ADCY8: variants seen among roughly 807,000 people sequenced by gnomAD.
ADCY8 encodes adenylate cyclase 8.
Under a neutral mutation model 119.7 loss-of-function variants are expected in ADCY8, and 51 were observed. That is an observed-to-expected ratio of 0.43 (90% CI 0.34 to 0.54). ADCY8 has a LOEUF of 0.54. ADCY8 is among the 20% of genes least tolerant of loss of function. The pLI is 0.03. For synonymous variants in ADCY8, 665 were observed against 651.0 expected, an observed-to-expected ratio of 1.02 and a Z score of -0.33; for missense variants, 1,383 against 1,598.8, an observed-to-expected ratio of 0.87 and a Z score of 2.30.
intron 1 of ADCY8, among the ~76,000 whole-genome samples, chr8:131,022,302 G>C (rs1033026912): frequency 2.0e-5 from 3 of 152,088 alleles, no homozygotes; most frequent in African/African-American, 7.2e-5. Flanking sequence ...GCCCCAGTGT[G>C]TGATGTTACC....
At chr8:130,846,851 T>TCCTTC (rs1554606216) in intron 11 of ADCY8, among the ~76,000 whole-genome samples, 1,845 of 20,460 alleles carry the variant, frequency 0.09, 399 homozygotes, top group African/African-American at 0.19. Context: ...CTTCCTTCCT[T>TCCTTC]CCTCCCCTCC....
intron 8 of ADCY8, among the ~76,000 whole-genome samples, chr8:130,871,003 A>G (rs1818334922): frequency 6.6e-6 from 1 of 152,204 alleles, no homozygotes. Flanking sequence ...GCTTAGCATA[A>G]TCACATAAAA....
At chr8:130,863,642 T>G (rs1818020070) in intron 9 of ADCY8, among the ~76,000 whole-genome samples, 1 of 152,070 alleles carries the variant, frequency 6.6e-6, no homozygotes. Context: ...TTTAAAAACG[T>G]TTTTTTAGTG....
chr8:130,815,600 C>G (rs1178424381), intron 13 of ADCY8, among the ~76,000 whole-genome samples: 1 of 152,070 alleles, frequency 6.6e-6, no homozygotes, highest in African/African-American at 2.4e-5. Context: ...TTAGTGGAAG[C>G]CAGGATTTGA....
chr8:130,823,320 A>C (rs903994318), intron 12 of ADCY8, among the ~76,000 whole-genome samples: 3 of 152,228 alleles, frequency 2.0e-5, no homozygotes, highest in Non-Finnish European at 4.4e-5. Context: ...GAATATGCAC[A>C]GTAAGTCAGC....
chr8:130,950,717 T>C (rs1308727734), intron 3 of ADCY8, among the ~76,000 whole-genome samples: 1 of 152,194 alleles, frequency 6.6e-6, no homozygotes, highest in Admixed American at 6.5e-5. Flanking sequence ...TTATTATTTT[T>C]TGAGATAGAG....
chr8:130,875,027 T>A (rs980702076), intron 8 of ADCY8, among the ~76,000 whole-genome samples: 1 of 152,186 alleles, frequency 6.6e-6, no homozygotes, highest in African/African-American at 2.4e-5. Context: ...TATATTACAC[T>A]GTTATAGGTG....
chr8:130,986,365 A>G (rs1303908020), intron 2 of ADCY8, among the ~76,000 whole-genome samples: 1 of 152,240 alleles, frequency 6.6e-6, no homozygotes, highest in Non-Finnish European at 1.5e-5. Context: ...TTAAATAAAT[A>G]TTACTCAGAA....
At chr8:130,849,563 C>T (rs1817446012) in intron 10 of ADCY8, 39 bp downstream of exon 10, 8 of 1,606,526 alleles carry the variant, frequency 5.0e-6, no homozygotes, top group Non-Finnish European at 6.8e-6. Context: ...CTCAACTGCA[C>T]ACTAGACACC....
chr8:130,964,998 T>C (rs998829080), intron 2 of ADCY8, among the ~76,000 whole-genome samples: 1 of 152,216 alleles, frequency 6.6e-6, no homozygotes, highest in African/African-American at 2.4e-5. Flanking sequence ...GTTCATGTCC[T>C]TTGCCCACTT....
In ADCY8 at chr8:130,822,852, C is replaced by A. The variant is rs531991218; in HGVS notation, c.2676-1432G>T. Among the ~76,000 whole-genome samples, 5 of 152,278 alleles carry A rather than the reference C, an allele frequency of 3.3e-5. No individual in the cohort carries two copies. In the South Asian group the frequency reaches 1.0e-3, roughly 32 times the overall value. The stretch of plus-strand genomic sequence containing the variant: ...AGTTGAATGTATTTAATAGTGTATA[C>A]CTCTATAATTGTGAGGATTAAATGA... On this transcript the variant is annotated intron_variant, in intron 12 of 17. Transcript: ENST00000286355.
intron 5 of ADCY8, among the ~76,000 whole-genome samples, chr8:130,918,731 C>A (rs1425928380): frequency 6.6e-6 from 1 of 152,062 alleles, no homozygotes; most frequent in Non-Finnish European, 1.5e-5. Flanking sequence ...AGAATCAAAC[C>A]CTTCCATTGG....
chr8:131,035,478 G>C (rs1824124938), intron 1 of ADCY8, among the ~76,000 whole-genome samples: 1 of 152,136 alleles, frequency 6.6e-6, no homozygotes. Context: ...TGATGGCAGG[G>C]AATTTCCTGA....
intron 8 of ADCY8, among the ~76,000 whole-genome samples, chr8:130,874,744 G>A (rs1818496897): frequency 6.6e-6 from 1 of 152,080 alleles, no homozygotes; most frequent in South Asian, 2.1e-4. Flanking sequence ...GGGCACATGA[G>A]AATTTCAAGA....
intron 1 of ADCY8, among the ~76,000 whole-genome samples, chr8:131,021,771 T>C (rs1823677113): frequency 6.6e-6 from 1 of 152,164 alleles, no homozygotes; most frequent in African/African-American, 2.4e-5. Context: ...CTGCTATGCT[T>C]GTAAGTTTTC....
rs551209786 is a variant in ADCY8 at position 131,019,857 on chromosome 8, C to G, written c.960+19517G>C. ...TCTCTCTGTCTGTCTCTCTCTCTCTCTCTCTCTCTCTCTCAATAAGGGAGT... is the reference window on the plus strand; with the variant it reads ...TCTCTCTGTCTGTCTCTCTCTCTCTGTCTCTCTCTCTCTCAATAAGGGAGT... On this transcript the variant is annotated intron_variant, in intron 1 of 17. Coordinates refer to ENST00000286355, the MANE Select transcript of ADCY8 (RefSeq NM_001115.3). 2.0e-5 allele frequency among the ~76,000 whole-genome samples: 3 copies of G among 151,038 alleles called. No homozygotes were observed. In the East Asian group the frequency reaches 5.9e-4, roughly 29 times the overall value.
At chr8:130,863,244 T>A (rs1563699112) in intron 9 of ADCY8, among the ~76,000 whole-genome samples, 1 of 151,826 alleles carries the variant, frequency 6.6e-6, no homozygotes, top group Non-Finnish European at 1.5e-5. Flanking sequence ...TCTGATAATT[T>A]TCCTTGTTCT....
intron 7 of ADCY8, among the ~76,000 whole-genome samples, chr8:130,903,401 C>T (rs1036482810): frequency 6.6e-6 from 1 of 151,266 alleles, no homozygotes; most frequent in Non-Finnish European, 1.5e-5. Flanking sequence ...AAGGGGCATT[C>T]CCATGTACTT....
intron 1 of ADCY8, among the ~76,000 whole-genome samples, chr8:131,010,999 A>G (rs2130779588): frequency 1.3e-5 from 2 of 152,378 alleles, no homozygotes; most frequent in South Asian, 4.1e-4. Context: ...CACCTAAGTT[A>G]CAAAATAGAA....
Sources: gnomAD v4.1 joint callset for allele counts (sites outside exome capture counted in the v4.1 genomes callset) on GRCh38, gnomAD v4.1.1 for gene constraint, MANE v1.5 for transcripts, NCBI Gene and HGNC (gene_info 2026-07-23, HGNC 2026-07-21) for gene names.